GRM4: variants seen among roughly 807,000 people sequenced by gnomAD.
GRM4 encodes glutamate metabotropic receptor 4.
In GRM4, 28 loss-of-function variants were observed where a neutral mutation model predicts 81.7. The ratio of observed to expected loss-of-function variants is 0.34; its 90% CI spans 0.25 to 0.47. The LOEUF (loss-of-function observed/expected upper bound fraction) is 0.47, where lower values mean the gene tolerates loss of function less well. Ranked by LOEUF, GRM4 falls within the 20% of genes least tolerant of loss-of-function variation. The pLI is 1.00. For missense variants in GRM4, 948 were observed against 1,290.0 expected (o/e 0.73, Z 4.06); for synonymous variants, 488 against 528.8 (o/e 0.92, Z 1.06).
Position 34,062,025 on chromosome 6 carries a change from C to A in GRM4, c.740G>T (p.Gly247Val), listed in dbSNP as rs761268850. 6.2e-7 allele frequency: 1 copy of A among 1,609,288 alleles called. No homozygotes were observed. Among genetic ancestry groups the A allele is most frequent in the Non-Finnish European group, 8.5e-7 (1 of 1,176,488 alleles). The stretch of plus-strand genomic sequence containing the variant: ...CTTCACCGACTGGGCGATGCACACG[C>A]CCCCTGCAGGAGGGGCACCAGTTAG... The part of the protein sequence containing the change: ...AFIQKSREDG[G>V]VCIAQSVKIP... The change falls in exon 4 of 11, where the codon GGC becomes GTC. Residue 247 changes from glycine (G) to valine (V), a missense_variant. By Grantham distance (109) the Gly-to-Val change is moderately radical (BLOSUM62 -3). Coordinates refer to ENST00000538487, the MANE Select transcript of GRM4 (RefSeq NM_000841.4).
At chr6:34,027,975 C>T in intron 10 of GRM4, 145 bp downstream of exon 10, 2 of 889,398 alleles carry the variant, frequency 2.2e-6, no homozygotes, top group South Asian at 3.5e-5. Context: ...CCTGTAGCCT[C>T]AGGGTTCCCC....
At chr6:34,097,773 G>C (rs1008404689) in intron 2 of GRM4, among the ~76,000 whole-genome samples, 1 of 152,170 alleles carries the variant, frequency 6.6e-6, no homozygotes, top group African/African-American at 2.4e-5. Flanking sequence ...CTGAAGGCTG[G>C]AGCTTTGTTC....
chr6:34,059,527 A>C lies in GRM4; in HGVS notation c.873-399T>G. The C allele has an allele frequency of 4.2e-6, 1 of 239,632 alleles. No individual in the cohort carries two copies. Among genetic ancestry groups the C allele is most frequent in the Non-Finnish European group, 8.2e-6 (1 of 121,418 alleles). The allele number at this position is 239,632 out of a possible 1,614,324, so 14.8% of individuals were successfully genotyped here. On this transcript the variant is annotated intron_variant, in intron 4 of 10. Coordinates refer to ENST00000538487, the MANE Select transcript of GRM4 (RefSeq NM_000841.4). The surrounding 1 kb of genome is among the most constrained non-coding windows in gnomAD (Gnocchi z 5.7). ...ATGCCTTCCTGGCTCATCCACCCCC[A>C]CATTCCTTGCCCATTCTCACACGCA...
At chr6:34,030,820 C>A (rs765784895) in intron 9 of GRM4, among the ~76,000 whole-genome samples, 10 of 152,238 alleles carry the variant, frequency 6.6e-5, no homozygotes, top group Non-Finnish European at 8.8e-5. Context: ...AGCCTAGGAG[C>A]CTTTCTGCGA....
intron 10 of GRM4, among the ~76,000 whole-genome samples, chr6:34,025,014 G>A (rs1645828972): frequency 6.6e-6 from 1 of 152,190 alleles, no homozygotes; most frequent in Non-Finnish European, 1.5e-5. Flanking sequence ...GGCAGGTGCT[G>A]AGAGGGAGAT....
intron 2 of GRM4, among the ~76,000 whole-genome samples, chr6:34,124,713 G>A (rs141758467): frequency 6.4e-4 from 98 of 152,342 alleles, no homozygotes; most frequent in Middle Eastern, 6.8e-3. Context: ...CTCTAGCAGT[G>A]CCGGGCATGG....
At chr6:34,066,912 G>A (rs1766495614) in intron 3 of GRM4, among the ~76,000 whole-genome samples, 1 of 152,242 alleles carries the variant, frequency 6.6e-6, no homozygotes, top group East Asian at 1.9e-4. Context: ...GAGCCTCCTT[G>A]TGTTCATCTG....
At chr6:34,083,725 G>A (rs1422249550) in intron 3 of GRM4, among the ~76,000 whole-genome samples, 1 of 152,200 alleles carries the variant, frequency 6.6e-6, no homozygotes, top group Admixed American at 6.5e-5. Flanking sequence ...GAGGCAGCTG[G>A]TGGAACAGTA....
chr6:34,113,844 G>T (rs1228512664), intron 2 of GRM4, among the ~76,000 whole-genome samples: 1 of 152,134 alleles, frequency 6.6e-6, no homozygotes, highest in Non-Finnish European at 1.5e-5. Flanking sequence ...ACTCTCCAAG[G>T]CTATCTACTG....
Position 34,089,880 on chromosome 6 carries a change from C to A in GRM4, c.736+2003G>T, listed in dbSNP as rs911323438. Among the ~76,000 whole-genome samples, 6 of 152,182 alleles carry A rather than the reference C, an allele frequency of 3.9e-5. No individual in the cohort carries two copies. Among genetic ancestry groups the A allele is most frequent in the African/African-American group, 1.2e-4 (5 of 41,430 alleles). The stretch of plus-strand genomic sequence containing the variant: ...TGTGCCTGTGTGTCCCTGTCATACC[C>A]TAGCACTTGCACAGGGGCTGGCCCA... On this transcript the variant is annotated intron_variant, in intron 3 of 10. Transcript: ENST00000538487. The surrounding 1 kb of genome is among the most constrained non-coding windows in gnomAD (Gnocchi z 4.3).
rs1767529302 is a variant in GRM4 at position 34,080,517 on chromosome 6, G to T, written c.736+11366C>A. 6.6e-6 allele frequency among the ~76,000 whole-genome samples: 1 copy of T among 152,148 alleles called. No individual in the cohort carries two copies. Among genetic ancestry groups the T allele is most frequent in the Non-Finnish European group, 1.5e-5 (1 of 68,034 alleles). On this transcript the variant is annotated intron_variant, in intron 3 of 10. Transcript: ENST00000538487. This position sits in a 1 kb window ranked among gnomAD's most constrained non-coding sequence, Gnocchi z 5.4. ...TCAGTGCTCAATAAATATTCATTCT[G>T]CAGATGAATAAATTACTGTGGAGGA...
intron 6 of GRM4, among the ~76,000 whole-genome samples, chr6:34,053,903 GC>G (rs1214174255): frequency 2.0e-5 from 3 of 152,290 alleles, no homozygotes; most frequent in African/African-American, 7.2e-5. Flanking sequence ...CACGGCCTAG[GC>G]CCCACCCCTA....
upstream of GRM4, among the ~76,000 whole-genome samples, chr6:34,150,022 G>T (rs187353119): frequency 1.3e-5 from 2 of 152,232 alleles, no homozygotes; most frequent in African/African-American, 2.4e-5. Flanking sequence ...CCTCCTGGGG[G>T]TATTGCATAC....
Position 34,121,627 on chromosome 6 carries a change from C to T in GRM4, c.519+11351G>A, listed in dbSNP as rs1769816466. Reference sequence around the variant, plus strand: ...AGGCAGCACCTTCGAGGCAGATCCCCGCTCAGGGCACCTCTGCTGGGCCAG... The same window carrying T: ...AGGCAGCACCTTCGAGGCAGATCCCTGCTCAGGGCACCTCTGCTGGGCCAG... On this transcript the variant is annotated intron_variant, in intron 2 of 10. Transcript: ENST00000538487. This position sits in a 1 kb window ranked among gnomAD's most constrained non-coding sequence, Gnocchi z 4.6. Among the ~76,000 whole-genome samples, 2 of 152,192 alleles carry T rather than the reference C, an allele frequency of 1.3e-5. No individual in the cohort carries two copies. The highest frequency in any genetic ancestry group is 4.8e-5 in the African/African-American group (2 of 41,436).
chr6:34,035,878 G>A lies in GRM4; in HGVS notation c.2232C>T (p.Leu744=). 2 of 1,609,986 alleles carry A rather than the reference G, an allele frequency of 1.2e-6. No individual in the cohort carries two copies. The highest frequency in any genetic ancestry group is 2.7e-5 in the African/African-American group (2 of 74,990). Residue 744 remains leucine (L), a synonymous_variant, in exon 9 of 11, where the codon CTC becomes CTT. Coordinates refer to ENST00000538487, the MANE Select transcript of GRM4 (RefSeq NM_000841.4). The surrounding 1 kb of genome is among the most constrained non-coding windows in gnomAD (Gnocchi z 6.6). ...GCGACAGGTCCGAGATGTCACACTT[G>A]AGCACACCCCTGGCGAAGCGGGGGT... ...TLDPRFARGV[L]KCDISDLSLI... is the part of the protein sequence containing the mutation.
At chr6:34,100,229 C>G (rs910520192) in intron 2 of GRM4, 1 of 162,010 alleles carries the variant, frequency 6.2e-6, no homozygotes, top group African/African-American at 2.4e-5. Flanking sequence ...AGTTGCCACC[C>G]CAGGGCCCTT....
intron 6 of GRM4, among the ~76,000 whole-genome samples, chr6:34,050,036 T>C (rs912334130): frequency 6.6e-6 from 1 of 152,154 alleles, no homozygotes; most frequent in African/African-American, 2.4e-5. Context: ...CCTTACAAAC[T>C]GCCCACAAGG....
intron 10 of GRM4, 41 bp downstream of exon 10, chr6:34,028,079 G>A (rs1431087523): frequency 8.9e-6 from 14 of 1,579,580 alleles, no homozygotes; most frequent in South Asian, 1.1e-5. Context: ...AAAGGAGCGG[G>A]GCCTGGGGCC....
Position 34,121,580 on chromosome 6 carries a change from G to C in GRM4, c.519+11398C>G, listed in dbSNP as rs1769813819. 6.6e-6 allele frequency among the ~76,000 whole-genome samples: 1 copy of C among 152,204 alleles called. No individual in the cohort carries two copies. Among genetic ancestry groups the C allele is most frequent in the Non-Finnish European group, 1.5e-5 (1 of 68,040 alleles). On this transcript the variant is annotated intron_variant, in intron 2 of 10. Transcript: ENST00000538487. This position sits in a 1 kb window ranked among gnomAD's most constrained non-coding sequence, Gnocchi z 4.6. ...TAGTTTTCAATCCCTCTTCGCCCTG[G>C]AGGTGGCTGGAGACCAGGAGCAGGC... is the stretch of plus-strand genomic sequence containing the variant.
Sources: allele counts gnomAD v4.1 joint callset (sites outside exome capture counted in the v4.1 genomes callset), GRCh38; gene constraint gnomAD v4.1.1; non-coding constraint Gnocchi (gnomAD v3.1); transcripts MANE v1.5; gene names NCBI Gene and HGNC (gene_info 2026-07-23, HGNC 2026-07-21).